Variants in TBC1D31 observed in about 807,000 individuals in gnomAD.
TBC1D31 encodes the protein TBC1 domain family member 31.
A neutral mutation model predicts 132.9 loss-of-function variants in TBC1D31; 99 were observed. That is an observed-to-expected ratio of 0.74 (90% CI 0.63 to 0.88). The LOEUF (loss-of-function observed/expected upper bound fraction) is 0.88, where lower values mean the gene tolerates loss of function less well. Among genes scored for constraint, TBC1D31 ranks in the 40% least tolerant of loss-of-function variants. The pLI is 0.00. For missense variants in TBC1D31, 1,134 were observed against 1,256.6 expected, an observed-to-expected ratio of 0.90 and a Z score of 1.48; for synonymous variants, 385 against 419.4, an observed-to-expected ratio of 0.92 and a Z score of 1.00.
At chr8:123,101,103 C>A in intron 7 of TBC1D31, 96 bp downstream of exon 7, 1 of 939,600 alleles carries the variant, frequency 1.1e-6, no homozygotes, top group Non-Finnish European at 1.6e-6. Context: ...TCTAACTTAC[C>A]TGGAACTTAT....
chr8:123,120,386 T>C (rs1382282517), intron 11 of TBC1D31, among the ~76,000 whole-genome samples, 198 bp downstream of exon 11: 1 of 152,234 alleles, frequency 6.6e-6, no homozygotes, highest in Non-Finnish European at 1.5e-5. Flanking sequence ...GAAGAAAATC[T>C]GGAGGCCGGG....
At chr8:123,072,881 G>T in intron 1 of TBC1D31, 35 bp downstream of exon 1, 1 of 1,546,434 alleles carries the variant, frequency 6.5e-7, no homozygotes, top group South Asian at 1.2e-5. Flanking sequence ...GGGCTGTGGA[G>T]GGGATGGAGA....
intron 10 of TBC1D31, among the ~76,000 whole-genome samples, chr8:123,117,537 G>A (rs1374159803): frequency 5.9e-5 from 9 of 151,700 alleles, no homozygotes; most frequent in South Asian, 2.1e-4. Flanking sequence ...GGCGGATGAC[G>A]AGGTCAGGAG....
chr8:123,161,654 G>A, the TBC1D31 span, among the ~76,000 whole-genome samples: 12 of 152,076 alleles, frequency 7.9e-5, no homozygotes, highest in African/African-American at 2.9e-4. Flanking sequence ...AATTGCAAAA[G>A]ACGTAATTAC....
rs1290428832 is a variant in TBC1D31 at position 123,082,783 on chromosome 8, A to T, written c.306A>T (p.Ala102=). 1 of 1,612,872 alleles carries T rather than the reference A, an allele frequency of 6.2e-7. No homozygotes were observed. The highest frequency in any genetic ancestry group is 1.7e-5 in the Admixed American group (1 of 60,008). ...GTAGGAAATCTGAATTCCTTGTGGC[A>T]TTAGCTGATTATTCTATTAAATGTT... ...NLRRKSEFLV[A]LADYSIKCFD... The change falls in exon 3 of 22, where the codon GCA becomes GCT. Residue 102 remains alanine, a synonymous_variant. Transcript: ENST00000287380.
Position 123,150,129 on chromosome 8 carries a change from G to A in TBC1D31, c.3067+1G>A, listed in dbSNP as rs142899235. On this transcript the variant is annotated splice_donor_variant, in intron 21 of 21. Coordinates refer to ENST00000287380, the MANE Select transcript of TBC1D31 (RefSeq NM_145647.4). LOFTEE classifies it high-confidence loss of function. ...TCTGAAATGGATCCCTCAACACAGAGTAAGTTGATAAGCAAGAAAATGTTA... is the reference window on the plus strand; with the variant it reads ...TCTGAAATGGATCCCTCAACACAGAATAAGTTGATAAGCAAGAAAATGTTA... The A allele has an allele frequency of 3.5e-5, 56 of 1,605,764 alleles. No individual in the cohort carries two copies. In the African/African-American group the frequency reaches 6.4e-4, roughly 18 times the overall value.
chr8:123,134,306 A>T (rs904862141), intron 17 of TBC1D31, 100 bp downstream of exon 17: 2 of 875,252 alleles, frequency 2.3e-6, no homozygotes, highest in Non-Finnish European at 3.7e-6. Flanking sequence ...AGGTGGAAGG[A>T]GGATCACTTG....
chr8:123,101,563 C>A (rs1048885033), intron 7 of TBC1D31, among the ~76,000 whole-genome samples: 5 of 151,964 alleles, frequency 3.3e-5, no homozygotes, highest in Non-Finnish European at 7.4e-5. Context: ...TACAGGCGCA[C>A]GCCACCATGC....
In TBC1D31 at chr8:123,077,142, G is replaced by A. The variant is rs749023833; in HGVS notation, c.109G>A (p.Asp37Asn). Residue 37 changes from aspartate (D) to asparagine (N), a missense_variant, in exon 2 of 22, where the codon GAT becomes AAT. Asp to Asn is a conservative substitution (Grantham distance 23). Transcript: ENST00000287380. The part of the protein sequence containing the change: ...IIVNIIHNTS[D>N]YHPKVLRFLN... Reference sequence around the variant, plus strand: ...AGTGAACATTATTCACAACACTTCCGATTACCATCCAAAAGTTTTGCGATT... The same window carrying A: ...AGTGAACATTATTCACAACACTTCCAATTACCATCCAAAAGTTTTGCGATT... The A allele has an allele frequency of 1.8e-5, 29 of 1,611,788 alleles. No homozygotes were observed. The East Asian group carries it at 3.1e-4, about 17-fold the overall frequency.
chr8:123,157,656 C>A, the TBC1D31 span, among the ~76,000 whole-genome samples: 1 of 152,140 alleles, frequency 6.6e-6, no homozygotes. Flanking sequence ...CAGGAACAAA[C>A]CCAGGGTCAA....
intron 5 of TBC1D31, 90 bp downstream of exon 5, chr8:123,093,832 C>T (rs1165849958): frequency 1.1e-6 from 1 of 942,878 alleles, no homozygotes; most frequent in East Asian, 3.0e-5. Flanking sequence ...TATTCAGTAT[C>T]TTTTTGTCAT....
chr8:123,104,030 A>G (rs1379789074), intron 7 of TBC1D31: 2 of 152,116 alleles, frequency 1.3e-5, no homozygotes, highest in Non-Finnish European at 2.9e-5. Context: ...GTGGTAATAG[A>G]GTAAATGAAT....
intron 1 of TBC1D31, among the ~76,000 whole-genome samples, chr8:123,076,330 T>TTGTG (rs1258448296): frequency 1.9e-5 from 2 of 106,086 alleles, no homozygotes; most frequent in East Asian, 2.4e-4. Context: ...TTTCTTTTAA[T>TTGTG]TGTGTGTATG....
intron 7 of TBC1D31, among the ~76,000 whole-genome samples, chr8:123,101,353 T>G (rs1200001389): frequency 2.0e-5 from 3 of 152,236 alleles, no homozygotes; most frequent in African/African-American, 7.2e-5. Context: ...TCCTATGCCT[T>G]TATTTTCTAA....
chr8:123,099,831 A>T lies in TBC1D31; in HGVS notation c.832-976A>T, dbSNP rs190987036. ...AGTTCTGGAGGCTGGGAAGTCCAAG[A>T]TCTAGAGGTTGGCATCTTTTGAAGG... On this transcript the variant is annotated intron_variant, in intron 6 of 21. Coordinates refer to ENST00000287380, the MANE Select transcript of TBC1D31 (RefSeq NM_145647.4). 5.9e-3 allele frequency among the ~76,000 whole-genome samples: 898 copies of T among 152,296 alleles called. 9 individuals carry two copies. Among genetic ancestry groups the T allele is most frequent in the African/African-American group, 0.021 (873 of 41,550 alleles).
intron 4 of TBC1D31, 109 bp downstream of exon 4, chr8:123,084,449 T>C: frequency 9.2e-7 from 1 of 1,091,658 alleles, no homozygotes; most frequent in South Asian, 1.7e-5. Context: ...CTTGTAGCTC[T>C]GTAACTCAGC....
intron 7 of TBC1D31, among the ~76,000 whole-genome samples, chr8:123,102,077 A>G (rs1817478860): frequency 6.6e-6 from 1 of 152,020 alleles, no homozygotes; most frequent in Non-Finnish European, 1.5e-5. Context: ...TCTATTATCC[A>G]CACCATCCAT....
chr8:123,140,998 A>G (rs1263677195), intron 18 of TBC1D31, 97 bp downstream of exon 18: 11 of 1,173,932 alleles, frequency 9.4e-6, no homozygotes, highest in Non-Finnish European at 1.4e-5. Flanking sequence ...TGTGAAGTTG[A>G]GTTAGTTTGT....
chr8:123,140,859 G>A lies in TBC1D31; in HGVS notation c.2598G>A (p.Lys866=), dbSNP rs16898033. The A allele has an allele frequency of 1.5e-3, 2,375 of 1,613,810 alleles. 30 individuals carry two copies. The African/African-American group carries it at 0.029, about 20-fold the overall frequency. Residue 866 remains lysine (K), a synonymous_variant, in exon 18 of 22, where the codon AAG becomes AAA. Coordinates refer to ENST00000287380, the MANE Select transcript of TBC1D31 (RefSeq NM_145647.4). ...KVDLEEHMFH[K]LIEAGETQSQ... is the part of the protein sequence containing the mutation. ...ATCTTGAAGAACACATGTTTCATAAGCTGATAGAAGCAGGTGAAACCCAGA... is the reference window on the plus strand; with the variant it reads ...ATCTTGAAGAACACATGTTTCATAAACTGATAGAAGCAGGTGAAACCCAGA...
Sources: gnomAD v4.1 joint callset for allele counts (sites outside exome capture counted in the v4.1 genomes callset) on GRCh38, gnomAD v4.1.1 for gene constraint, MANE v1.5 for transcripts, NCBI Gene and HGNC (gene_info 2026-07-23, HGNC 2026-07-21) for gene names.